WT1: variants seen among roughly 807,000 people sequenced by gnomAD.
WT1 encodes the protein WT1 transcription factor.
In WT1, 8 loss-of-function variants were observed where a neutral mutation model predicts 60.8. That is an observed-to-expected ratio of 0.13 (90% CI 0.08 to 0.24). The LOEUF (loss-of-function observed/expected upper bound fraction) is 0.24, where lower values mean the gene tolerates loss of function less well. Among genes scored for constraint, WT1 ranks in the 10% least tolerant of loss-of-function variants. The pLI, the probability that WT1 is intolerant of heterozygous loss-of-function variation, is 1.00. For missense variants in WT1, 568 were observed against 711.8 expected, an observed-to-expected ratio of 0.80 and a Z score of 2.30; for synonymous variants, 312 against 297.1, an observed-to-expected ratio of 1.05 and a Z score of -0.52.
intron 6 of WT1, among the ~76,000 whole-genome samples, chr11:32,397,386 G>A (rs1852006315): frequency 6.6e-6 from 1 of 152,116 alleles, no homozygotes; most frequent in Non-Finnish European, 1.5e-5. Context: ...GCACGATCGG[G>A]GCTCCTGCAG....
intron 5 of WT1, among the ~76,000 whole-genome samples, chr11:32,410,211 G>A (rs1852452367): frequency 6.6e-6 from 1 of 152,152 alleles, no homozygotes; most frequent in Non-Finnish European, 1.5e-5. Context: ...GATTACAGGT[G>A]TGAGCCACCA....
intron 1 of WT1, chr11:32,430,706 C>A: frequency 7.0e-7 from 1 of 1,422,566 alleles, no homozygotes; most frequent in Non-Finnish European, 9.2e-7. Context: ...CCGTGGCCCG[C>A]GAGCCCTCCT....
chr11:32,421,626 G>C (rs1852857175), intron 3 of WT1, among the ~76,000 whole-genome samples: 1 of 152,094 alleles, frequency 6.6e-6, no homozygotes, highest in East Asian at 1.9e-4. Flanking sequence ...GCAAAAAGGG[G>C]GAGCTTAAAA....
intron 4 of WT1, chr11:32,417,286 A>T: frequency 2.4e-6 from 1 of 423,368 alleles, no homozygotes; most frequent in East Asian, 4.5e-5. Context: ...AAACACAATT[A>T]TTAAATGAGG....
intron 3 of WT1, among the ~76,000 whole-genome samples, chr11:32,423,489 C>T (rs1852920751): frequency 6.6e-6 from 1 of 152,236 alleles, no homozygotes; most frequent in African/African-American, 2.4e-5. Flanking sequence ...ACAGGTAAAA[C>T]TAATGGATAA....
At chr11:32,397,715 G>A (rs947544785) in intron 6 of WT1, among the ~76,000 whole-genome samples, 3 of 152,066 alleles carry the variant, frequency 2.0e-5, no homozygotes, top group African/African-American at 7.2e-5. Context: ...CCATGCTTAT[G>A]TTCTAGTCCC....
chr11:32,423,964 C>T (rs1051635397), intron 3 of WT1, among the ~76,000 whole-genome samples: 1 of 152,056 alleles, frequency 6.6e-6, no homozygotes, highest in Non-Finnish European at 1.5e-5. Context: ...AGTTTGAGAC[C>T]ATCCTGGCTA....
chr11:32,420,167 A>G (rs1852809958), intron 3 of WT1, among the ~76,000 whole-genome samples: 1 of 152,192 alleles, frequency 6.6e-6, no homozygotes, highest in Non-Finnish European at 1.5e-5. Context: ...TGCTATATTG[A>G]GTCAAATATG....
At chr11:32,394,227 A>T (rs906234483) in intron 7 of WT1, among the ~76,000 whole-genome samples, 5 of 152,046 alleles carry the variant, frequency 3.3e-5, no homozygotes, top group African/African-American at 9.7e-5. Context: ...TTGGTGCCTT[A>T]TGTTTCACCT....
chr11:32,399,568 G>A (rs1852083312), intron 6 of WT1, among the ~76,000 whole-genome samples: 1 of 152,238 alleles, frequency 6.6e-6, no homozygotes, highest in African/African-American at 2.4e-5. Context: ...CAAGATGTGA[G>A]TCTACCTGTG....
In WT1 at chr11:32,388,364, T is replaced by C; in HGVS notation, c.*694A>G. On this transcript the variant is annotated 3_prime_UTR_variant, in exon 10 of 10. Transcript: ENST00000452863. ...AAAAAAATCTCAGATCTTCATAGTTTCTTAAGAGCAGTGTGCCAGTGTTCA... is the reference window on the plus strand; with the variant it reads ...AAAAAAATCTCAGATCTTCATAGTTCCTTAAGAGCAGTGTGCCAGTGTTCA... 1 of 233,666 alleles carries C rather than the reference T, an allele frequency of 4.3e-6. No individual in the cohort carries two copies. The highest frequency in any genetic ancestry group is 8.5e-6 in the Non-Finnish European group (1 of 118,222). 14.5% of individuals were successfully genotyped at this position (233,666 alleles called of 1,614,324 possible).
At chr11:32,427,181 G>C (rs1853079004) in intron 3 of WT1, among the ~76,000 whole-genome samples, 1 of 152,258 alleles carries the variant, frequency 6.6e-6, no homozygotes, top group East Asian at 1.9e-4. Context: ...GTGCGGGCTG[G>C]TGTGCGCCGC....
At chr11:32,425,686 A>G (rs997837405) in intron 3 of WT1, among the ~76,000 whole-genome samples, 4 of 152,236 alleles carry the variant, frequency 2.6e-5, no homozygotes, top group Admixed American at 1.3e-4. Flanking sequence ...AACTCTTCCT[A>G]CAGGGGTCAC....
At chr11:32,407,457 T>C (rs1301405335) in intron 5 of WT1, among the ~76,000 whole-genome samples, 1 of 152,130 alleles carries the variant, frequency 6.6e-6, no homozygotes, top group Non-Finnish European at 1.5e-5. Flanking sequence ...GCAATTAGCA[T>C]TCATATGAAT....
intron 9 of WT1, 90 bp from the exon 10 acceptor site, chr11:32,389,269 C>T: frequency 6.2e-7 from 1 of 1,603,028 alleles, no homozygotes; most frequent in Non-Finnish European, 8.5e-7. Flanking sequence ...CATCACAAGG[C>T]ACCCACTCTG....
At chr11:32,417,780 A>C (rs1382633617) in intron 3 of WT1, 126 bp from the exon 4 acceptor site, 2 of 783,314 alleles carry the variant, frequency 2.6e-6, no homozygotes, top group Non-Finnish European at 4.3e-6. Context: ...AGAATGACAG[A>C]ATATGCAAAT....
At chr11:32,428,702 G>A (rs900184082) in intron 1 of WT1, 83 bp from the exon 2 acceptor site, 1 of 1,554,780 alleles carries the variant, frequency 6.4e-7, no homozygotes, top group Admixed American at 1.9e-5. Context: ...CACGGGCGGG[G>A]GGGGTGTGCG....
intron 7 of WT1, among the ~76,000 whole-genome samples, chr11:32,393,348 C>T (rs1156573639): frequency 6.6e-6 from 1 of 152,176 alleles, no homozygotes; most frequent in Non-Finnish European, 1.5e-5. Context: ...TGTGCTTTAT[C>T]CAAGAGAAGT....
intron 1 of WT1, chr11:32,429,082 A>T: frequency 3.6e-6 from 1 of 280,546 alleles, no homozygotes; most frequent in Non-Finnish European, 7.0e-6. Flanking sequence ...CCCGCGCACC[A>T]ACTTTCATTA....
Sources: gnomAD v4.1 joint callset for allele counts (sites outside exome capture counted in the v4.1 genomes callset) on GRCh38, gnomAD v4.1.1 for gene constraint, MANE v1.5 for transcripts, NCBI Gene and HGNC (gene_info 2026-07-23, HGNC 2026-07-21) for gene names.